CDC40: variants seen among roughly 807,000 people sequenced by gnomAD.
CDC40 encodes the protein cell division cycle 40.
A neutral mutation model predicts 80.6 loss-of-function variants in CDC40; 27 were observed. The observed-to-expected ratio is 0.33, with a 90% CI of 0.25 to 0.46. The LOEUF (loss-of-function observed/expected upper bound fraction) is 0.46. CDC40 is among the 20% of genes least tolerant of loss of function. CDC40 has a pLI of 1.00. For missense variants in CDC40, 486 were observed against 694.1 expected (o/e 0.70, Z 3.37); for synonymous variants, 221 against 232.6 (o/e 0.95, Z 0.45).
At chr6:110,193,408 T>C (rs1447915732) in intron 2 of CDC40, 140 bp downstream of exon 2, 1 of 582,870 alleles carries the variant, frequency 1.7e-6, no homozygotes, top group Admixed American at 3.2e-5. Flanking sequence ...GCTTCTTTTT[T>C]GTTGTTTTTT....
intron 3 of CDC40, among the ~76,000 whole-genome samples, chr6:110,204,497 T>C (rs560624190): frequency 3.9e-5 from 6 of 152,282 alleles, no homozygotes; most frequent in Non-Finnish European, 7.4e-5. Context: ...CATAAAACTT[T>C]ACATGTTCTT....
In CDC40 at chr6:110,230,133, G is replaced by C; in HGVS notation, c.*2G>C. On this transcript the variant is annotated 3_prime_UTR_variant, in exon 15 of 15. Transcript: ENST00000307731. ...GGTCTCATTAAATTGTGGGATTAAT[G>C]AGATTAATCCTTAAACTAGCTGGGA... 1 of 1,583,236 alleles carries C rather than the reference G, an allele frequency of 6.3e-7. No individual in the cohort carries two copies. Among genetic ancestry groups the C allele is most frequent in the Non-Finnish European group, 8.7e-7 (1 of 1,153,190 alleles).
Position 110,193,195 on chromosome 6 carries a change from C to A in CDC40, c.203C>A (p.Thr68Asn). Residue 68 changes from threonine (T) to asparagine (N), a missense_variant, in exon 2 of 15, where the codon ACT (threonine) becomes AAT (asparagine). By Grantham distance (65) the Thr-to-Asn change is moderately conservative. Transcript: ENST00000307731. ...PEVAVKEDLE[T>N]GVHLDPAVKE... is the part of the protein sequence containing the mutation. ...TATTCTTTTTAGGAAGATTTGGAGA[C>A]TGGAGTTCACCTTGACCCTGCCGTC... The A allele has an allele frequency of 6.3e-7, 1 of 1,596,726 alleles. No individual in the cohort carries two copies. The highest frequency in any genetic ancestry group is 8.6e-7 in the Non-Finnish European group (1 of 1,164,428).
chr6:110,205,788 T>C (rs1777554199), intron 3 of CDC40, among the ~76,000 whole-genome samples: 1 of 152,206 alleles, frequency 6.6e-6, no homozygotes, highest in African/African-American at 2.4e-5. Context: ...AAATGGAAAC[T>C]TTTAACATGG....
rs1423005546 is a variant in CDC40 at position 110,215,319 on chromosome 6, A to T, written c.976A>T (p.Arg326Ter). ...WEVYGERRCL[R>*]TFIGHSKAVR... ...GGTTTATGGAGAACGGCGCTGTCTG[A>T]GAACATTTATTGGTAATGCTTCTTT... Residue 326 changes from arginine to a stop codon, truncating the protein, a stop_gained, in exon 9 of 15, where the codon AGA (arginine) becomes TGA (stop). Transcript: ENST00000307731. LOFTEE classifies it high-confidence loss of function. 1 of 1,613,216 alleles carries T rather than the reference A, an allele frequency of 6.2e-7. No homozygotes were observed. Among genetic ancestry groups the T allele is most frequent in the Non-Finnish European group, 8.5e-7 (1 of 1,179,202 alleles).
intron 1 of CDC40, 144 bp from the exon 2 acceptor site, chr6:110,193,038 A>G (rs1777372024): frequency 1.9e-6 from 1 of 527,472 alleles, no homozygotes; most frequent in Admixed American, 3.4e-5. Flanking sequence ...AACTGTATAC[A>G]TTAATTTTAT....
At chr6:110,189,267 C>A (rs1436421281) in intron 1 of CDC40, among the ~76,000 whole-genome samples, 1 of 152,144 alleles carries the variant, frequency 6.6e-6, no homozygotes. Context: ...TTAGCCTCTT[C>A]TAGAGAGCTG....
At chr6:110,215,464 T>G (rs1777688518) in intron 9 of CDC40, 133 bp downstream of exon 9, 1 of 741,508 alleles carries the variant, frequency 1.3e-6, no homozygotes, top group African/African-American at 1.8e-5. Flanking sequence ...GAAGGAGGAG[T>G]CAGTGTCCCC....
intron 2 of CDC40, among the ~76,000 whole-genome samples, chr6:110,193,495 C>T (rs577439191): frequency 2.6e-5 from 4 of 152,126 alleles, no homozygotes; most frequent in Admixed American, 2.6e-4. Context: ...AGCTCCGCCT[C>T]CTGGGTTCAC....
chr6:110,181,862 CCT>C (rs1174265604), intron 1 of CDC40, among the ~76,000 whole-genome samples: 1 of 152,206 alleles, frequency 6.6e-6, no homozygotes, highest in African/African-American at 2.4e-5. Context: ...TTCATTAGTT[CCT>C]CTTTCTTGAA....
chr6:110,210,509 G>A (rs1034627275), intron 5 of CDC40, among the ~76,000 whole-genome samples, 198 bp from the exon 6 acceptor site: 14 of 141,318 alleles, frequency 9.9e-5, no homozygotes, highest in African/African-American at 1.6e-4. Flanking sequence ...AGAGATTCGC[G>A]CCACTGCACT....
chr6:110,197,855 G>A (rs553454156), intron 2 of CDC40, among the ~76,000 whole-genome samples: 62 of 152,158 alleles, frequency 4.1e-4, no homozygotes, highest in Admixed American at 2.7e-3. Context: ...AGGTTGATTC[G>A]TGGGAATACA....
At chr6:110,193,107 T>C in intron 1 of CDC40, 75 bp from the exon 2 acceptor site, 1 of 842,864 alleles carries the variant, frequency 1.2e-6, no homozygotes, top group Non-Finnish European at 2.0e-6. Context: ...AGATGGCTAG[T>C]GTGACTTTAA....
At position 110,230,051 on chromosome 6, in the gene CDC40, A is replaced by G; in HGVS notation, c.1660A>G (p.Ile554Val). The change falls in exon 15 of 15, where the codon ATA (isoleucine) becomes GTA (valine). Residue 554 changes from isoleucine to valine, a missense_variant. Coordinates refer to ENST00000307731, the MANE Select transcript of CDC40 (RefSeq NM_015891.3). ...ATTTAAAGCTCATGATAAAGTGTGT[A>G]TAGGTGCAGTGTGGCATCCTCATGA... ...SRFKAHDKVCIGAVWHPHETS... is the reference protein window; with the variant it reads ...SRFKAHDKVCVGAVWHPHETS... 3.1e-6 allele frequency: 5 copies of G among 1,612,070 alleles called. No homozygotes were observed. Among genetic ancestry groups the G allele is most frequent in the Non-Finnish European group, 4.2e-6 (5 of 1,178,194 alleles).
intron 1 of CDC40, among the ~76,000 whole-genome samples, chr6:110,188,562 C>G (rs1012785323): frequency 6.6e-6 from 1 of 152,108 alleles, no homozygotes; most frequent in Non-Finnish European, 1.5e-5. Context: ...TGTTCATCAC[C>G]CATCTTCAGA....
At chr6:110,213,010 A>G (rs1353653166) in intron 7 of CDC40, 76 bp from the exon 8 acceptor site, 2 of 998,914 alleles carry the variant, frequency 2.0e-6, no homozygotes, top group African/African-American at 1.6e-5. Context: ...CTTAATATAT[A>G]CTGTCTTTTC....
At chr6:110,203,846 T>C (rs1477156325) in intron 3 of CDC40, among the ~76,000 whole-genome samples, 2 of 152,190 alleles carry the variant, frequency 1.3e-5, no homozygotes, top group East Asian at 3.9e-4. Context: ...CTGCCAGTCT[T>C]ACTTGGGGCT....
At position 110,193,254 on chromosome 6, in the gene CDC40, A is replaced by G. The variant is rs773215022; in HGVS notation, c.262A>G (p.Met88Val). The change falls in exon 2 of 15, where the codon ATG becomes GTG. Residue 88 changes from methionine (M) to valine (V), a missense_variant. By Grantham distance (21) the Met-to-Val change is conservative (BLOSUM62 1). Transcript: ENST00000307731. ...EVQYNPTYET[M>V]FAPEFGPENP... is the part of the protein sequence containing the mutation. ...TCAGTATAATCCTACCTATGAGACC[A>G]TGTTTGCTCCTGAGGTAAGAAAACA... 6.3e-7 allele frequency: 1 copy of G among 1,598,672 alleles called. No homozygotes were observed.
chr6:110,197,220 G>A (rs1777429688), intron 2 of CDC40, among the ~76,000 whole-genome samples: 1 of 152,176 alleles, frequency 6.6e-6, no homozygotes, highest in African/African-American at 2.4e-5. Flanking sequence ...GTTGACAGAT[G>A]TTTAAGAATA....
Sources: allele counts gnomAD v4.1 joint callset (sites outside exome capture counted in the v4.1 genomes callset), GRCh38; gene constraint gnomAD v4.1.1; transcripts MANE v1.5; gene names NCBI Gene and HGNC (gene_info 2026-07-23, HGNC 2026-07-21).